Variants in TOP6BL observed in about 807,000 individuals in gnomAD.
TOP6BL encodes type 2 DNA topoisomerase 6 subunit B-like.
At chr11:66,766,459 T>G in the TOP6BL span, among the ~76,000 whole-genome samples, 1 of 152,204 alleles carries the variant, frequency 6.6e-6, no homozygotes, top group East Asian at 1.9e-4. Flanking sequence ...GGTCCCTAAC[T>G]ATTTATACTT....
the TOP6BL span, among the ~76,000 whole-genome samples, chr11:66,754,432 C>T: frequency 2.2e-4 from 34 of 152,260 alleles, no homozygotes; most frequent in African/African-American, 7.9e-4. Context: ...TTCTCCACCT[C>T]GTTCTTGTTT....
chr11:66,772,147 A>G, the TOP6BL span, among the ~76,000 whole-genome samples: 1 of 152,198 alleles, frequency 6.6e-6, no homozygotes, highest in East Asian at 1.9e-4. Context: ...ACTTAAGTGG[A>G]AGAGTTAACT....
At chr11:66,816,324 CCTTG>C in the TOP6BL span, 2 of 1,091,906 alleles carry the variant, frequency 1.8e-6, no homozygotes, top group East Asian at 2.7e-5. Flanking sequence ...CAGTGAAAAA[CCTTG>C]CTTAATAAAA....
chr11:66,788,729 C>T, the TOP6BL span, among the ~76,000 whole-genome samples: 1 of 152,046 alleles, frequency 6.6e-6, no homozygotes, highest in Non-Finnish European at 1.5e-5. Flanking sequence ...TCTAATGTCT[C>T]TTTATTTTTA....
At chr11:66,833,374 G>T in the TOP6BL span, among the ~76,000 whole-genome samples, 13 of 152,064 alleles carry the variant, frequency 8.5e-5, no homozygotes, top group African/African-American at 2.9e-4. Context: ...GGCTAATCCT[G>T]TCTTGCGATC....
At chr11:66,842,886 G>C in the TOP6BL span, 1 of 1,575,790 alleles carries the variant, frequency 6.3e-7, no homozygotes, top group Non-Finnish European at 8.6e-7. Flanking sequence ...GGCTCAAGAG[G>C]GGCAGCCCCC....
the TOP6BL span, chr11:66,762,501 G>T: frequency 4.0e-6 from 1 of 247,296 alleles, no homozygotes; most frequent in Non-Finnish European, 7.8e-6. Flanking sequence ...ACGGAGTCTC[G>T]CTCTGTCGCC....
chr11:66,827,892 G>C, the TOP6BL span, among the ~76,000 whole-genome samples: 5 of 150,598 alleles, frequency 3.3e-5, no homozygotes, highest in East Asian at 9.7e-4. Context: ...TTGAATCTAG[G>C]GGGCGGAGGG....
chr11:66,819,531 G>A, the TOP6BL span, among the ~76,000 whole-genome samples: 261 of 152,284 alleles, frequency 1.7e-3, 2 homozygotes, highest in Middle Eastern at 6.8e-3. Context: ...AATACTTTGA[G>A]GGGCCAAAGC....
At chr11:66,788,218 C>G in the TOP6BL span, 2 of 1,613,904 alleles carry the variant, frequency 1.2e-6, no homozygotes, top group East Asian at 2.2e-5. Flanking sequence ...CAGAGGAAGG[C>G]AGCTATTCTC....
chr11:66,756,642 C>T, the TOP6BL span: 1 of 690,682 alleles, frequency 1.4e-6, no homozygotes, highest in Non-Finnish European at 1.8e-6. Flanking sequence ...CTGTAAAATA[C>T]ATATTTTAAA....
At chr11:66,828,664 G>A in the TOP6BL span, 1 of 226,462 alleles carries the variant, frequency 4.4e-6, no homozygotes, top group Non-Finnish European at 8.7e-6. Flanking sequence ...AGAAGACACT[G>A]TAGGATAATT....
At chr11:66,748,338 C>G in the TOP6BL span, 1 of 1,449,816 alleles carries the variant, frequency 6.9e-7, no homozygotes, top group Non-Finnish European at 9.4e-7. Context: ...ACTGTGATTT[C>G]TAAAGAAGAT....
chr11:66,771,448 A>G, the TOP6BL span: 3 of 152,588 alleles, frequency 2.0e-5, no homozygotes, highest in Admixed American at 6.5e-5. Context: ...CCCCGTCTCT[A>G]CTGCAATAGA....
the TOP6BL span, among the ~76,000 whole-genome samples, chr11:66,765,762 C>T: frequency 2.6e-5 from 4 of 152,158 alleles, no homozygotes; most frequent in African/African-American, 7.2e-5. Context: ...GTGATCCACC[C>T]GCCTCGGCCT....
chr11:66,841,110 A>ATTTTTTTTT, the TOP6BL span, among the ~76,000 whole-genome samples: 3 of 84,628 alleles, frequency 3.5e-5, no homozygotes, highest in African/African-American at 4.9e-5. Context: ...GAGGCCTCTC[A>ATTTTTTTTT]TTTTTTTTTT....
chr11:66,767,950 C>G, the TOP6BL span, among the ~76,000 whole-genome samples: 2 of 152,132 alleles, frequency 1.3e-5, no homozygotes, highest in African/African-American at 4.8e-5. Context: ...TACCACCATG[C>G]CCAGCTAGTT....
At chr11:66,821,734 G>C in the TOP6BL span, 16 of 1,613,492 alleles carry the variant, frequency 9.9e-6, no homozygotes, top group Non-Finnish European at 1.4e-5. Context: ...CTGTGGACAA[G>C]GTCTTGGAGC....
chr11:66,813,989 C>A, the TOP6BL span: 1 of 1,613,386 alleles, frequency 6.2e-7, no homozygotes, highest in Admixed American at 1.7e-5. Context: ...TGTATGATAC[C>A]CAATTTGGAT....
Sources: allele counts gnomAD v4.1 joint callset (sites outside exome capture counted in the v4.1 genomes callset), GRCh38; gene constraint gnomAD v4.1.1; transcripts MANE v1.5; gene names NCBI Gene and HGNC (gene_info 2026-07-23, HGNC 2026-07-21).